ZC4H2: variants seen among roughly 807,000 people sequenced by gnomAD.
The protein encoded by ZC4H2 is zinc finger C4H2-type containing.
For synonymous variants in ZC4H2, 84 were observed against 66.3 expected, an observed-to-expected ratio of 1.27 and a Z score of -1.30; for missense variants, 137 against 173.9, an observed-to-expected ratio of 0.79 and a Z score of 1.19.
intron 1 of ZC4H2, among the ~76,000 whole-genome samples, chrX:65,003,785 G>A (rs138874121): frequency 0.016 from 1,719 of 109,325 alleles, 35 homozygotes; most frequent in African/African-American, 0.053. Flanking sequence ...GCTGAGGCAG[G>A]AGAATGGCGT....
At chrX:64,993,640 G>C (rs758661140) in intron 1 of ZC4H2, among the ~76,000 whole-genome samples, 71 of 111,648 alleles carry the variant, frequency 6.4e-4, no homozygotes, top group Non-Finnish European at 3.8e-4. Context: ...GCAAATTTCT[G>C]TTGTTAATGA....
At chrX:64,922,205 G>C in intron 1 of ZC4H2, 1 of 743,693 alleles carries the variant, frequency 1.3e-6, no homozygotes, top group Non-Finnish European at 1.7e-6. Context: ...GAGCCCAGGA[G>C]TTTGAAACCA....
At chrX:64,982,717 ATAG>A (rs926698516) in intron 1 of ZC4H2, among the ~76,000 whole-genome samples, 1 of 112,280 alleles carries the variant, frequency 8.9e-6, no homozygotes, top group African/African-American at 3.2e-5. Context: ...GGCTTCATTT[ATAG>A]TAGAAGCGTT....
intron 1 of ZC4H2, among the ~76,000 whole-genome samples, chrX:64,998,593 ATTG>A (rs769598808): frequency 9.0e-6 from 1 of 111,584 alleles, no homozygotes; most frequent in Non-Finnish European, 1.9e-5. Context: ...TGTGTGTGCT[ATTG>A]TTGTTGTGTA....
intron 1 of ZC4H2, among the ~76,000 whole-genome samples, chrX:64,951,373 C>G (rs1036831524): frequency 7.2e-5 from 8 of 111,733 alleles, no homozygotes; most frequent in Non-Finnish European, 1.5e-4. Flanking sequence ...GAGGAATCGC[C>G]ACACTGACTT....
At chrX:64,975,102 G>A (rs1256243920) in intron 1 of ZC4H2, among the ~76,000 whole-genome samples, 2 of 110,254 alleles carry the variant, frequency 1.8e-5, no homozygotes, top group Admixed American at 1.9e-4. Flanking sequence ...TTCAAGCTGC[G>A]TGGCTGTGGG....
At chrX:64,991,741 A>G (rs912510778) in intron 1 of ZC4H2, among the ~76,000 whole-genome samples, 38 of 112,304 alleles carry the variant, frequency 3.4e-4, no homozygotes, top group African/African-American at 1.2e-3. Context: ...TAGCAGCATT[A>G]ACCTTAAGAG....
intron 1 of ZC4H2, among the ~76,000 whole-genome samples, chrX:64,975,626 AGCAACC>A (rs993031564): frequency 2.7e-5 from 3 of 111,203 alleles, no homozygotes; most frequent in African/African-American, 9.8e-5. Flanking sequence ...CTGCTCCAGG[AGCAACC>A]GTGTAGCGGA....
Position 64,919,176 on chromosome X carries a change from G to T in ZC4H2, c.427C>A (p.Gln143Lys), listed in dbSNP as rs1260869746. 1.7e-6 allele frequency: 2 copies of T among 1,209,514 alleles called. No homozygotes were observed. Among genetic ancestry groups the T allele is most frequent in the Admixed American group, 2.2e-5 (1 of 45,728 alleles). Residue 143 changes from glutamine to lysine, a missense_variant, in exon 4 of 5, where the codon CAG (glutamine) becomes AAG (lysine). Gln to Lys is a moderately conservative substitution (Grantham distance 53). Coordinates refer to ENST00000374839, the MANE Select transcript of ZC4H2 (RefSeq NM_018684.4). ...ATGGGGGGCTCCTGAGGTTCTGTCT[G>T]CCATTCTGCTTTCTGCTTCTCAAAG... Reference protein sequence around the residue: ...DYFEKQKAEWQTEPQEPPIPE... With the variant: ...DYFEKQKAEWKTEPQEPPIPE...
rs151235270 is a variant in ZC4H2 at position 65,021,869 on chromosome X, T to A, written c.-272+12760A>T. Among the ~76,000 whole-genome samples, 1,048 of 110,679 alleles carry A rather than the reference T, an allele frequency of 9.5e-3. 24 individuals carry two copies. Among genetic ancestry groups the A allele is most frequent in the African/African-American group, 0.032 (967 of 29,847 alleles). On this transcript the variant is annotated intron_variant, in intron 1 of 4. Transcript: ENST00000337990. ...ATCACCACCGATCCCACAGAAATAC[T>A]AACTACCATCAGAGAATACTATAAA...
intron 1 of ZC4H2, among the ~76,000 whole-genome samples, chrX:64,995,365 G>T (rs1424696296): frequency 1.8e-5 from 2 of 111,640 alleles, no homozygotes; most frequent in Admixed American, 9.5e-5. Context: ...CTTAGCAGTG[G>T]TCTTTTGTTT....
upstream of ZC4H2, chrX:64,976,523 G>A: frequency 3.4e-6 from 2 of 581,402 alleles, no homozygotes; most frequent in Non-Finnish European, 5.6e-6. Flanking sequence ...GCTGTAGTCC[G>A]GAGCTTCAGG....
intron 1 of ZC4H2, among the ~76,000 whole-genome samples, chrX:64,954,372 A>AT (rs1931059571): frequency 1.1e-4 from 8 of 74,340 alleles, no homozygotes; most frequent in African/African-American, 6.8e-4. Context: ...ATATATATAT[A>AT]ATTATATATA....
At chrX:64,959,687 A>G (rs1480149418) in intron 1 of ZC4H2, among the ~76,000 whole-genome samples, 2 of 109,131 alleles carry the variant, frequency 1.8e-5, no homozygotes, top group African/African-American at 6.7e-5. Flanking sequence ...TGGACAGTAC[A>G]TGTTGGCAAC....
chrX:64,993,457 T>C (rs1932349487), intron 1 of ZC4H2, among the ~76,000 whole-genome samples: 1 of 111,716 alleles, frequency 9.0e-6, no homozygotes, highest in African/African-American at 3.3e-5. Flanking sequence ...GGGTCCTTTC[T>C]GAGGTGATTA....
chrX:65,009,493 C>T (rs1439561369), intron 1 of ZC4H2, among the ~76,000 whole-genome samples: 1 of 112,125 alleles, frequency 8.9e-6, no homozygotes, highest in Non-Finnish European at 1.9e-5. Flanking sequence ...ATCCTCTATC[C>T]TGTGCCAACT....
chrX:64,990,245 C>T (rs896967592), intron 1 of ZC4H2, among the ~76,000 whole-genome samples: 1 of 111,637 alleles, frequency 9.0e-6, no homozygotes, highest in Non-Finnish European at 1.9e-5. Flanking sequence ...GAGAATTATG[C>T]TGAGTAAAAA....
chrX:65,028,829 G>A (rs1019713099), intron 1 of ZC4H2, among the ~76,000 whole-genome samples: 1 of 111,294 alleles, frequency 9.0e-6, no homozygotes, highest in East Asian at 2.8e-4. Flanking sequence ...GCCTCTCTTT[G>A]GGGAAATTTT....
At chrX:64,955,835 C>T (rs192557788) in intron 1 of ZC4H2, among the ~76,000 whole-genome samples, 3 of 111,882 alleles carry the variant, frequency 2.7e-5, no homozygotes, top group South Asian at 3.7e-4. Context: ...AGATAAAAGA[C>T]GAAGGCTCAA....
Sources: gnomAD v4.1 joint callset for allele counts (sites outside exome capture counted in the v4.1 genomes callset) on GRCh38, gnomAD v4.1.1 for gene constraint, MANE v1.5 for transcripts, NCBI Gene and HGNC (gene_info 2026-07-23, HGNC 2026-07-21) for gene names.